The following PXDNL variants were observed in gnomAD, a reference collection of about 807,000 sequenced individuals.
PXDNL encodes the protein probable oxidoreductase PXDNL.
In PXDNL, 145 loss-of-function variants were observed where a neutral mutation model predicts 150.8. The ratio of observed to expected loss-of-function variants is 0.96; its 90% CI spans 0.84 to 1.10. The LOEUF is 1.10. PXDNL is among the 50% of genes least tolerant of loss of function. PXDNL has a pLI of 0.00. For synonymous variants in PXDNL, 757 were observed against 725.7 expected, an observed-to-expected ratio of 1.04 and a Z score of -0.69; for missense variants, 2,087 against 1,873.9, an observed-to-expected ratio of 1.11 and a Z score of -2.10.
chr8:51,491,974 T>G (rs995284161), intron 5 of PXDNL, among the ~76,000 whole-genome samples: 2 of 152,090 alleles, frequency 1.3e-5, no homozygotes, highest in Admixed American at 1.3e-4. Flanking sequence ...CCTACCTCAT[T>G]TCATATTCAT....
chr8:51,663,730 GGTAGCC>G (rs1287930345), intron 1 of PXDNL, among the ~76,000 whole-genome samples: 2 of 152,102 alleles, frequency 1.3e-5, no homozygotes, highest in African/African-American at 4.8e-5. Flanking sequence ...GTCACTAAAA[GGTAGCC>G]CTCTCTTACA....
chr8:51,375,395 C>G (rs1453723421), intron 17 of PXDNL, among the ~76,000 whole-genome samples: 1 of 152,178 alleles, frequency 6.6e-6, no homozygotes, highest in Non-Finnish European at 1.5e-5. Flanking sequence ...AGGAGCCACT[C>G]TGATTGTTTT....
chr8:51,403,379 A>C (rs1315981760), intron 17 of PXDNL, among the ~76,000 whole-genome samples: 1 of 152,080 alleles, frequency 6.6e-6, no homozygotes, highest in African/African-American at 2.4e-5. Context: ...ATGCCAAGGA[A>C]CCACACCCAG....
At chr8:51,518,838 A>C (rs866658184) in intron 4 of PXDNL, among the ~76,000 whole-genome samples, 1 of 152,130 alleles carries the variant, frequency 6.6e-6, no homozygotes, top group Non-Finnish European at 1.5e-5. Flanking sequence ...AGGAGAAATG[A>C]TGGTAGCAGA....
intron 17 of PXDNL, among the ~76,000 whole-genome samples, chr8:51,392,474 T>A (rs994519142): frequency 6.6e-5 from 10 of 152,104 alleles, no homozygotes; most frequent in Non-Finnish European, 1.5e-4. Context: ...AAGTTGGATT[T>A]CTAGGTATTT....
At chr8:51,405,227 C>G (rs1434850432) in intron 17 of PXDNL, among the ~76,000 whole-genome samples, 1 of 152,326 alleles carries the variant, frequency 6.6e-6, no homozygotes, top group South Asian at 2.1e-4. Context: ...GGGGCTCCCA[C>G]AGTGCAACCG....
chr8:51,339,621 A>C lies in PXDNL; in HGVS notation c.4146+3T>G. 6.2e-7 allele frequency: 1 copy of C among 1,612,068 alleles called. No homozygotes were observed. The highest frequency in any genetic ancestry group is 8.5e-7 in the Non-Finnish European group (1 of 1,179,368). On this transcript the variant is annotated splice_donor_region_variant and intron_variant, in intron 21 of 22. Transcript: ENST00000356297. ...GGACATGTTATTTGAAGAGAAAACA[A>C]ACCTGCTCTCTGAGTGCTGTGATGG...
At chr8:51,492,501 A>G (rs1329900321) in intron 5 of PXDNL, among the ~76,000 whole-genome samples, 6 of 152,186 alleles carry the variant, frequency 3.9e-5, no homozygotes, top group Admixed American at 6.5e-5. Context: ...TCACCCAGAA[A>G]GCTCAAGGGG....
At chr8:51,433,292 T>A (rs953686177) in intron 12 of PXDNL, among the ~76,000 whole-genome samples, 1 of 151,048 alleles carries the variant, frequency 6.6e-6, no homozygotes, top group Non-Finnish European at 1.5e-5. Flanking sequence ...TAATTTTCTA[T>A]TGTTTTATTT....
At chr8:51,397,876 C>G (rs1341679155) in intron 17 of PXDNL, among the ~76,000 whole-genome samples, 2 of 152,026 alleles carry the variant, frequency 1.3e-5, no homozygotes, top group Non-Finnish European at 2.9e-5. Context: ...TTTAGCATTA[C>G]ATATATCTCC....
At chr8:51,514,971 T>A (rs545377492) in intron 4 of PXDNL, among the ~76,000 whole-genome samples, 12 of 152,216 alleles carry the variant, frequency 7.9e-5, no homozygotes, top group Non-Finnish European at 5.9e-5. Context: ...TGAAGCATCA[T>A]GACATTGTCT....
intron 5 of PXDNL, among the ~76,000 whole-genome samples, chr8:51,497,433 C>T (rs557457274): frequency 1.2e-4 from 19 of 152,202 alleles, no homozygotes; most frequent in African/African-American, 4.1e-4. Flanking sequence ...AATTGACAAA[C>T]AGGATCTAAT....
At chr8:51,762,035 C>T (rs554297910) in intron 1 of PXDNL, among the ~76,000 whole-genome samples, 1 of 152,262 alleles carries the variant, frequency 6.6e-6, no homozygotes, top group South Asian at 2.1e-4. Context: ...GTAAATAGGA[C>T]TCTGCTTTTA....
chr8:51,760,845 C>CATTTTTTTT (rs2037154474), intron 1 of PXDNL, among the ~76,000 whole-genome samples: 2 of 45,476 alleles, frequency 4.4e-5, no homozygotes, highest in Non-Finnish European at 7.5e-5. Flanking sequence ...ATCACTTAAA[C>CATTTTTTTT]TTTTTTTTTT....
At chr8:51,648,426 G>A (rs762628598) in intron 2 of PXDNL, among the ~76,000 whole-genome samples, 2 of 152,180 alleles carry the variant, frequency 1.3e-5, no homozygotes, top group East Asian at 1.9e-4. Context: ...GCAGAGATTG[G>A]AGTGATGTGG....
chr8:51,483,713 A>G lies in PXDNL; in HGVS notation c.454T>C (p.Phe152Leu), dbSNP rs1209811709. The part of the protein sequence containing the change: ...FGDLLRLERL[F>L]LHNNKLSKIP... ...TTAGATAATTTGTTGTTATGCAAAAATCTGAAAAAGAAAAGATAAACTTTA... is the reference window on the plus strand; with the variant it reads ...TTAGATAATTTGTTGTTATGCAAAAGTCTGAAAAAGAAAAGATAAACTTTA... Residue 152 changes from phenylalanine (F) to leucine (L), a missense_variant and splice_region_variant, in exon 6 of 23, where the codon TTT (phenylalanine) becomes CTT (leucine). Phe to Leu is a conservative substitution (Grantham distance 22). Coordinates refer to ENST00000356297, the MANE Select transcript of PXDNL (RefSeq NM_144651.5). The G allele has an allele frequency of 2.7e-6, 4 of 1,469,548 alleles. No homozygotes were observed. The Admixed American group carries it at 8.0e-5, about 29-fold the overall frequency. 91.0% of individuals were successfully genotyped at this position (1,469,548 alleles called of 1,614,324 possible).
chr8:51,715,203 G>C (rs940932320), intron 1 of PXDNL, among the ~76,000 whole-genome samples: 6 of 152,152 alleles, frequency 3.9e-5, no homozygotes, highest in Non-Finnish European at 8.8e-5. Context: ...GACTTGAATA[G>C]ACATTTCGCC....
At chr8:51,345,780 T>A (rs1806132513) in intron 20 of PXDNL, 53 bp downstream of exon 20, 4 of 1,113,216 alleles carry the variant, frequency 3.6e-6, no homozygotes, top group Non-Finnish European at 5.4e-6. Context: ...ATTGTAGGTT[T>A]GAAGCAAATC....
intron 1 of PXDNL, among the ~76,000 whole-genome samples, chr8:51,791,871 C>G (rs984847501): frequency 1.3e-5 from 2 of 152,076 alleles, no homozygotes; most frequent in Non-Finnish European, 2.9e-5. Flanking sequence ...GTACAAGGAC[C>G]TAGATGCCCG....
Sources: allele counts gnomAD v4.1 joint callset (sites outside exome capture counted in the v4.1 genomes callset), GRCh38; gene constraint gnomAD v4.1.1; transcripts MANE v1.5; gene names NCBI Gene and HGNC (gene_info 2026-07-23, HGNC 2026-07-21).